BMPER: variants seen among roughly 807,000 people sequenced by gnomAD.
The protein encoded by BMPER is BMP-binding endothelial regulator protein.
Under a neutral mutation model 87.3 loss-of-function variants are expected in BMPER, and 45 were observed. The observed-to-expected ratio is 0.52, with a 90% CI of 0.41 to 0.66. The LOEUF (loss-of-function observed/expected upper bound fraction) is 0.66. BMPER is among the 30% of genes least tolerant of loss of function. BMPER has a pLI of 0.00. For missense variants in BMPER, 784 were observed against 867.5 expected, an observed-to-expected ratio of 0.90 and a Z score of 1.21; for synonymous variants, 326 against 316.2, an observed-to-expected ratio of 1.03 and a Z score of -0.33.
At chr7:33,924,495 C>T (rs780246930) in intron 2 of BMPER, among the ~76,000 whole-genome samples, 18 of 152,276 alleles carry the variant, frequency 1.2e-4, no homozygotes, top group East Asian at 3.9e-4. Context: ...GCTCCAGCTG[C>T]GCGCTGTGCT....
intron 14 of BMPER, among the ~76,000 whole-genome samples, chr7:34,147,919 C>CAGTGTT (rs1283812863): frequency 1.3e-5 from 2 of 152,176 alleles, no homozygotes; most frequent in African/African-American, 4.8e-5. Flanking sequence ...GGGCTCAGGT[C>CAGTGTT]AGTGTTAGTG....
chr7:34,145,872 T>C (rs768716745), intron 14 of BMPER, among the ~76,000 whole-genome samples: 97 of 152,194 alleles, frequency 6.4e-4, no homozygotes, highest in Non-Finnish European at 1.2e-3. Context: ...TTTCAGGGAC[T>C]GAGTCTCTGG....
At chr7:33,956,495 G>C (rs892577258) in intron 3 of BMPER, among the ~76,000 whole-genome samples, 2 of 152,122 alleles carry the variant, frequency 1.3e-5, no homozygotes, top group Non-Finnish European at 2.9e-5. Context: ...AACTCTGTGA[G>C]TCCACTCACA....
At chr7:34,069,170 G>T (rs1788675488) in intron 11 of BMPER, among the ~76,000 whole-genome samples, 1 of 152,164 alleles carries the variant, frequency 6.6e-6, no homozygotes, top group Non-Finnish European at 1.5e-5. Flanking sequence ...GAGGGTATGT[G>T]TGACGGAAAC....
intron 9 of BMPER, among the ~76,000 whole-genome samples, chr7:34,056,791 T>C (rs1446755755): frequency 6.6e-6 from 1 of 152,108 alleles, no homozygotes; most frequent in Admixed American, 6.5e-5. Flanking sequence ...CTAATTTTTG[T>C]ATTTTTAGTA....
intron 2 of BMPER, among the ~76,000 whole-genome samples, chr7:33,909,803 TAAAA>T (rs1783914395): frequency 6.6e-6 from 1 of 152,132 alleles, no homozygotes; most frequent in Non-Finnish European, 1.5e-5. Context: ...AGTAAAAGCT[TAAAA>T]AACCCCACAA....
chr7:34,005,652 A>G (rs189842500), intron 6 of BMPER, among the ~76,000 whole-genome samples: 1 of 151,772 alleles, frequency 6.6e-6, no homozygotes, highest in Admixed American at 6.6e-5. Context: ...TGATTCTCCC[A>G]CTTTGGCCTC....
At chr7:33,993,709 T>C (rs1004683807) in intron 6 of BMPER, among the ~76,000 whole-genome samples, 2 of 152,206 alleles carry the variant, frequency 1.3e-5, no homozygotes, top group African/African-American at 4.8e-5. Context: ...TTTTTAGAGT[T>C]TCCAGTTTTT....
At chr7:33,920,424 T>G (rs1476233217) in intron 2 of BMPER, among the ~76,000 whole-genome samples, 1 of 135,830 alleles carries the variant, frequency 7.4e-6, no homozygotes, top group African/African-American at 2.8e-5. Flanking sequence ...CGTTGTGTTT[T>G]TTTTTTTTTT....
At chr7:34,010,922 G>T (rs533299363) in intron 6 of BMPER, among the ~76,000 whole-genome samples, 21 of 151,954 alleles carry the variant, frequency 1.4e-4, no homozygotes, top group African/African-American at 4.8e-4. Context: ...GTAATTTGGT[G>T]TTCGGAATTA....
chr7:33,983,547 C>T (rs567699844), intron 6 of BMPER, among the ~76,000 whole-genome samples: 1 of 152,234 alleles, frequency 6.6e-6, no homozygotes, highest in East Asian at 1.9e-4. Context: ...AATTGTTCTG[C>T]AACCTAGGAG....
At chr7:34,141,420 G>A (rs1790865818) in intron 13 of BMPER, among the ~76,000 whole-genome samples, 1 of 151,970 alleles carries the variant, frequency 6.6e-6, no homozygotes, top group Admixed American at 6.6e-5. Flanking sequence ...GACCAGCCTG[G>A]CCAACATGGT....
chr7:34,127,608 C>T (rs116021653), intron 13 of BMPER, among the ~76,000 whole-genome samples: 3,546 of 152,186 alleles, frequency 0.023, 125 homozygotes, highest in African/African-American at 0.079. Flanking sequence ...ATCTCTCCTC[C>T]GCTCCACCCC....
At chr7:33,907,483 A>AAT (rs1783852139) in intron 2 of BMPER, among the ~76,000 whole-genome samples, 1 of 152,208 alleles carries the variant, frequency 6.6e-6, no homozygotes, top group African/African-American at 2.4e-5. Context: ...TTCCATCCTT[A>AAT]ATAGAGAATG....
At chr7:34,030,116 A>G (rs1787481851) in intron 6 of BMPER, among the ~76,000 whole-genome samples, 1 of 152,058 alleles carries the variant, frequency 6.6e-6, no homozygotes, top group African/African-American at 2.4e-5. Context: ...ATAATCTTAA[A>G]TGGAATTTGA....
At chr7:34,053,999 C>CA (rs1160722156) in intron 8 of BMPER, among the ~76,000 whole-genome samples, 2 of 152,334 alleles carry the variant, frequency 1.3e-5, no homozygotes, top group Middle Eastern at 3.4e-3. Context: ...TCTTCATCCA[C>CA]AACAGCCTAT....
chr7:33,988,660 A>G (rs1786088840), intron 6 of BMPER, among the ~76,000 whole-genome samples: 1 of 151,786 alleles, frequency 6.6e-6, no homozygotes, highest in South Asian at 2.1e-4. Flanking sequence ...ACACGTGCAC[A>G]TTGTGCAGGT....
chr7:34,114,653 A>G (rs1180248514), intron 13 of BMPER, among the ~76,000 whole-genome samples: 16 of 152,220 alleles, frequency 1.1e-4, no homozygotes, highest in Non-Finnish European at 2.9e-5. Context: ...GAAAAGTGGG[A>G]AGATTTGTGA....
At chr7:33,999,650 T>C (rs1312014015) in intron 6 of BMPER, among the ~76,000 whole-genome samples, 1 of 152,228 alleles carries the variant, frequency 6.6e-6, no homozygotes, top group Non-Finnish European at 1.5e-5. Flanking sequence ...ATAATCTAGA[T>C]AAGAGGGTAT....
Sources: gnomAD v4.1 joint callset for allele counts (sites outside exome capture counted in the v4.1 genomes callset) on GRCh38, gnomAD v4.1.1 for gene constraint, MANE v1.5 for transcripts, NCBI Gene and HGNC (gene_info 2026-07-23, HGNC 2026-07-21) for gene names.